The following RYR3 variants were observed in gnomAD, a reference collection of about 807,000 sequenced individuals.
RYR3 encodes the protein ryanodine receptor 3.
In RYR3, 207 loss-of-function variants were observed where a neutral mutation model predicts 584.3. That is an observed-to-expected ratio of 0.35 (90% CI 0.32 to 0.40). RYR3 has a LOEUF of 0.40. Among genes scored for constraint, RYR3 ranks in the 10% least tolerant of loss-of-function variants. RYR3 has a pLI of 1.00. For missense variants in RYR3, 5,616 were observed against 6,089.2 expected, an observed-to-expected ratio of 0.92 and a Z score of 2.59; for synonymous variants, 2,416 against 2,248.5, an observed-to-expected ratio of 1.07 and a Z score of -2.11.
chr15:33,805,645 T>C (rs2076155853), intron 69 of RYR3, among the ~76,000 whole-genome samples: 1 of 151,546 alleles, frequency 6.6e-6, no homozygotes, highest in East Asian at 2.0e-4. Context: ...GCCCGGCTAA[T>C]TTTTTGTATT....
At chr15:33,565,722 T>C (rs1295299936) in intron 11 of RYR3, among the ~76,000 whole-genome samples, 2 of 152,128 alleles carry the variant, frequency 1.3e-5, no homozygotes, top group Non-Finnish European at 2.9e-5. Flanking sequence ...AGGATCAAAC[T>C]AACCTTGACT....
chr15:33,640,789 A>C (rs10775211), intron 27 of RYR3, among the ~76,000 whole-genome samples: 3 of 151,996 alleles, frequency 2.0e-5, no homozygotes, highest in Non-Finnish European at 2.9e-5. Context: ...GCCTTTTGCA[A>C]ATTTTCTTCT....
chr15:33,360,612 A>G (rs1050927808), intron 1 of RYR3, among the ~76,000 whole-genome samples: 3 of 152,188 alleles, frequency 2.0e-5, no homozygotes, highest in African/African-American at 7.2e-5. Flanking sequence ...GAAGACACAC[A>G]TTTTCATTTC....
At chr15:33,722,593 T>C (rs1439003336) in intron 43 of RYR3, 122 bp from the exon 44 acceptor site, 1 of 976,548 alleles carries the variant, frequency 1.0e-6, no homozygotes, top group Non-Finnish European at 1.6e-6. Flanking sequence ...TTGACTGGCC[T>C]AAACCAAAAA....
intron 1 of RYR3, among the ~76,000 whole-genome samples, chr15:33,464,886 C>T (rs2048363205): frequency 6.6e-6 from 1 of 152,112 alleles, no homozygotes; most frequent in Non-Finnish European, 1.5e-5. Context: ...CCAGCATCTT[C>T]CCACTGTCCC....
chr15:33,407,334 A>C (rs192696833), intron 1 of RYR3, among the ~76,000 whole-genome samples: 2 of 152,362 alleles, frequency 1.3e-5, no homozygotes, highest in East Asian at 3.9e-4. Context: ...GAAGTAAAAC[A>C]GGGTAAGAAG....
At chr15:33,488,649 G>A (rs867397815) in intron 2 of RYR3, among the ~76,000 whole-genome samples, 8 of 152,026 alleles carry the variant, frequency 5.3e-5, no homozygotes, top group Non-Finnish European at 8.8e-5. Flanking sequence ...TCAGGAGATC[G>A]AGACCATCCT....
At chr15:33,612,139 T>C (rs1209956356) in intron 18 of RYR3, among the ~76,000 whole-genome samples, 1 of 152,202 alleles carries the variant, frequency 6.6e-6, no homozygotes, top group Non-Finnish European at 1.5e-5. Context: ...TGGTTATAAT[T>C]ATTAATATTT....
chr15:33,739,710 GT>G, intron 50 of RYR3, 121 bp from the exon 51 acceptor site: 1 of 741,160 alleles, frequency 1.3e-6, no homozygotes, highest in Non-Finnish European at 2.1e-6. Flanking sequence ...CACATTTCCC[GT>G]TTTGGTTAAC....
chr15:33,403,296 C>T (rs2042806076), intron 1 of RYR3, among the ~76,000 whole-genome samples: 1 of 152,120 alleles, frequency 6.6e-6, no homozygotes, highest in South Asian at 2.1e-4. Context: ...GGGCCAATAC[C>T]TTTAGTGAAA....
chr15:33,348,043 G>A (rs74005185), intron 1 of RYR3, among the ~76,000 whole-genome samples: 2,079 of 151,790 alleles, frequency 0.014, 51 homozygotes, highest in African/African-American at 0.048. Context: ...ATTCCTATAT[G>A]TAACAATCTG....
At chr15:33,489,261 TA>T (rs2050761549) in intron 2 of RYR3, among the ~76,000 whole-genome samples, 1 of 152,226 alleles carries the variant, frequency 6.6e-6, no homozygotes, top group Non-Finnish European at 1.5e-5. Flanking sequence ...GTTACATAGG[TA>T]AACTTGTGTC....
intron 1 of RYR3, among the ~76,000 whole-genome samples, chr15:33,332,748 C>T (rs1453376386): frequency 3.9e-5 from 6 of 151,934 alleles, no homozygotes; most frequent in South Asian, 2.1e-4. Context: ...GTAGAAATAA[C>T]TAAGTTCAGA....
chr15:33,661,183 A>G (rs2063138424), intron 34 of RYR3, among the ~76,000 whole-genome samples: 1 of 152,152 alleles, frequency 6.6e-6, no homozygotes, highest in South Asian at 2.1e-4. Flanking sequence ...TCAATTCTGC[A>G]GGGTCCTCAA....
intron 93 of RYR3, among the ~76,000 whole-genome samples, chr15:33,845,506 G>A (rs535950431): frequency 2.6e-5 from 4 of 152,192 alleles, no homozygotes; most frequent in African/African-American, 7.2e-5. Context: ...CATCTGCCTC[G>A]GCCTCCCACA....
intron 51 of RYR3, among the ~76,000 whole-genome samples, chr15:33,740,495 G>A (rs981799146): frequency 3.3e-5 from 5 of 152,162 alleles, no homozygotes; most frequent in Admixed American, 2.6e-4. Context: ...GAGGGATGCT[G>A]GAGCTTCAGA....
At chr15:33,566,254 C>G (rs534593737) in intron 11 of RYR3, among the ~76,000 whole-genome samples, 1 of 152,328 alleles carries the variant, frequency 6.6e-6, no homozygotes, top group East Asian at 1.9e-4. Context: ...AATCCCAGTA[C>G]AGAATTTTGC....
At position 33,634,683 on chromosome 15, in the gene RYR3, G is replaced by A. The variant is rs781225171; in HGVS notation, c.3125G>A (p.Arg1042His). ...SNRDSLREAV[R>H]TFVGYGYNIE... Reference sequence around the variant, plus strand: ...AGGGACAGCCTGCGGGAAGCTGTGCGCACTTTTGTTGGTTACGGGTATAAC... The same window carrying A: ...AGGGACAGCCTGCGGGAAGCTGTGCACACTTTTGTTGGTTACGGGTATAAC... Residue 1042 changes from arginine to histidine, a missense_variant, in exon 25 of 104, where the codon CGC becomes CAC. By Grantham distance (29) the Arg-to-His change is conservative. Around this residue, in one of 9 missense-constraint regions of RYR3, gnomAD observed 1,284 missense variants for 1,344.6 expected, o/e 0.95. Transcript: ENST00000634891. 7 of 1,613,934 alleles carry A rather than the reference G, an allele frequency of 4.3e-6. No homozygotes were observed. The highest frequency in any genetic ancestry group is 4.5e-5 in the East Asian group (2 of 44,882).
chr15:33,779,299 C>G (rs11634555), intron 64 of RYR3, among the ~76,000 whole-genome samples: 52,301 of 151,572 alleles, frequency 0.35, 9,793 homozygotes, highest in East Asian at 0.8. Flanking sequence ...TGATCTCAAG[C>G]CTTTTGTTTT....
Sources: allele counts gnomAD v4.1 joint callset (sites outside exome capture counted in the v4.1 genomes callset), GRCh38; gene constraint gnomAD v4.1.1; regional missense constraint gnomAD v4.1.1; transcripts MANE v1.5; gene names NCBI Gene and HGNC (gene_info 2026-07-23, HGNC 2026-07-21).